The following PRKCB variants were observed in gnomAD, a reference collection of about 807,000 sequenced individuals.
PRKCB encodes the protein protein kinase C beta.
In PRKCB, 13 loss-of-function variants were observed where a neutral mutation model predicts 81.5. That is an observed-to-expected ratio of 0.16 (90% confidence interval 0.10 to 0.25). The LOEUF (loss-of-function observed/expected upper bound fraction) is 0.25, where lower values mean the gene tolerates loss of function less well. PRKCB is among the 10% of genes least tolerant of loss of function. The pLI is 1.00. For missense variants in PRKCB, 509 were observed against 875.7 expected, an observed-to-expected ratio of 0.58 and a Z score of 5.29; for synonymous variants, 335 against 321.4, an observed-to-expected ratio of 1.04 and a Z score of -0.45.
At position 23,837,370 on chromosome 16, in the gene PRKCB, T is replaced by C; in HGVS notation, c.174-5T>C. On this transcript the variant is annotated splice_polypyrimidine_tract_variant and splice_region_variant and intron_variant, in intron 1 of 16. Transcript: ENST00000643927. ...CCTGACATACACCTCCTTCTGCTTTTGCAGGGGCTTCGGGAAGCAGGGATT... is the reference window on the plus strand; with the variant it reads ...CCTGACATACACCTCCTTCTGCTTTCGCAGGGGCTTCGGGAAGCAGGGATT... 2 of 1,613,616 alleles carry C rather than the reference T, an allele frequency of 1.2e-6. No individual in the cohort carries two copies. The highest frequency in any genetic ancestry group is 1.1e-5 in the South Asian group (1 of 91,072).
intron 16 of PRKCB, among the ~76,000 whole-genome samples, chr16:24,203,390 T>A (rs1967992018): frequency 6.6e-6 from 1 of 152,090 alleles, no homozygotes. Context: ...AGGCATCACA[T>A]GGCAAGAGAA....
intron 5 of PRKCB, among the ~76,000 whole-genome samples, chr16:24,061,384 A>C (rs1403119687): frequency 6.6e-6 from 1 of 151,360 alleles, no homozygotes; most frequent in East Asian, 1.9e-4. Context: ...GTGAATGAAC[A>C]GGTTTCCTAA....
At chr16:24,079,470 G>C (rs1002145225) in intron 5 of PRKCB, among the ~76,000 whole-genome samples, 4 of 152,130 alleles carry the variant, frequency 2.6e-5, no homozygotes, top group African/African-American at 9.7e-5. Flanking sequence ...CTCAGATTTA[G>C]AGTAACATTT....
chr16:24,167,142 T>TAAA (rs10715574), intron 10 of PRKCB, among the ~76,000 whole-genome samples: 5 of 140,630 alleles, frequency 3.6e-5, no homozygotes, highest in African/African-American at 1.3e-4. Flanking sequence ...TGTTTTCTAT[T>TAAA]AAAAAAAAAA....
intron 3 of PRKCB, among the ~76,000 whole-genome samples, chr16:24,025,488 G>A (rs572114094): frequency 6.6e-6 from 1 of 152,328 alleles, no homozygotes; most frequent in South Asian, 2.1e-4. Context: ...TATTTATTGA[G>A]CATCTTCTGT....
At chr16:24,068,499 A>ACC in intron 5 of PRKCB, among the ~76,000 whole-genome samples, 1 of 151,236 alleles carries the variant, frequency 6.6e-6, no homozygotes, top group African/African-American at 2.4e-5. Context: ...AAAACCACAC[A>ACC]CAGAATATTG....
chr16:24,128,878 G>A (rs1966849009), intron 9 of PRKCB, among the ~76,000 whole-genome samples: 1 of 152,078 alleles, frequency 6.6e-6, no homozygotes, highest in South Asian at 2.1e-4. Flanking sequence ...GAAACTTTGA[G>A]TTTTGCCAAC....
intron 9 of PRKCB, among the ~76,000 whole-genome samples, chr16:24,129,482 T>A (rs1352353702): frequency 1.3e-5 from 2 of 151,652 alleles, no homozygotes; most frequent in Non-Finnish European, 2.9e-5. Context: ...ACGAAGTGAC[T>A]CTCTCCTCTC....
intron 3 of PRKCB, among the ~76,000 whole-genome samples, chr16:24,001,230 C>T (rs1487942519): frequency 6.6e-6 from 1 of 152,190 alleles, no homozygotes; most frequent in Non-Finnish European, 1.5e-5. Context: ...GACTCTTTGT[C>T]TGGTTTGTCT....
intron 3 of PRKCB, among the ~76,000 whole-genome samples, chr16:24,000,988 G>A (rs1235506005): frequency 3.5e-5 from 3 of 86,306 alleles, no homozygotes; most frequent in Admixed American, 1.0e-4. Context: ...TAAATAAAGC[G>A]GTTTTTTTTT....
intron 2 of PRKCB, among the ~76,000 whole-genome samples, chr16:23,847,365 TATCTATCTATCTGTC>T (rs1962390328): frequency 1.7e-4 from 1 of 5,770 alleles, no homozygotes; most frequent in African/African-American, 1.4e-3. Context: ...TCTATCTATC[TATCTATCTATCTGTC>T]CATCTATCTA....
At chr16:23,949,917 G>A (rs1352662758) in intron 2 of PRKCB, among the ~76,000 whole-genome samples, 1 of 152,160 alleles carries the variant, frequency 6.6e-6, no homozygotes, top group Non-Finnish European at 1.5e-5. Context: ...CTTGGGTCCA[G>A]CCACCCACAC....
At chr16:23,868,622 C>A (rs561121625) in intron 2 of PRKCB, among the ~76,000 whole-genome samples, 4 of 152,218 alleles carry the variant, frequency 2.6e-5, no homozygotes, top group Non-Finnish European at 5.9e-5. Context: ...TAACAAAACG[C>A]ATGCTCTTAA....
chr16:23,999,880 G>C (rs554626431), intron 3 of PRKCB, among the ~76,000 whole-genome samples: 1 of 152,256 alleles, frequency 6.6e-6, no homozygotes, highest in South Asian at 2.1e-4. Context: ...TGGTTGGCTG[G>C]TGGGTGGATG....
At chr16:24,036,730 G>T (rs1331786515) in intron 5 of PRKCB, among the ~76,000 whole-genome samples, 3 of 152,188 alleles carry the variant, frequency 2.0e-5, no homozygotes, top group Non-Finnish European at 4.4e-5. Flanking sequence ...GTGGTCGCCT[G>T]CCTCCCAGTG....
chr16:23,854,475 A>G (rs1962528836), intron 2 of PRKCB, among the ~76,000 whole-genome samples: 1 of 152,100 alleles, frequency 6.6e-6, no homozygotes, highest in African/African-American at 2.4e-5. Context: ...GGCTGGGCTC[A>G]TTTACCTTCC....
At chr16:24,124,109 A>G in intron 9 of PRKCB, 128 bp downstream of exon 9, 1 of 1,090,164 alleles carries the variant, frequency 9.2e-7, no homozygotes. Flanking sequence ...GCCACACTAC[A>G]CTTTGTAATG....
intron 2 of PRKCB, among the ~76,000 whole-genome samples, chr16:23,861,752 C>A (rs1962668893): frequency 6.6e-6 from 1 of 152,246 alleles, no homozygotes; most frequent in South Asian, 2.1e-4. Flanking sequence ...GGAGCTGTGG[C>A]AGCTATGTTT....
rs561080679 is a variant in PRKCB, at chr16:24,095,118, C to T, written c.821+821C>T. 1.2e-4 allele frequency among the ~76,000 whole-genome samples: 19 copies of T among 152,304 alleles called. No individual in the cohort carries two copies. In the East Asian group the frequency reaches 3.5e-3, roughly 28 times the overall value. ...ATTACATCTGGGCCAATTTACTAAA[C>T]TACATGATGAGACTGTAACTGCCCA... On this transcript the variant is annotated intron_variant, in intron 7 of 16. Coordinates refer to ENST00000643927, the MANE Select transcript of PRKCB (RefSeq NM_002738.7).
Sources: gnomAD v4.1 joint callset for allele counts (sites outside exome capture counted in the v4.1 genomes callset) on GRCh38, gnomAD v4.1.1 for gene constraint, MANE v1.5 for transcripts, NCBI Gene and HGNC (gene_info 2026-07-23, HGNC 2026-07-21) for gene names.